The following LAMA1 variants were observed in gnomAD, a reference collection of about 807,000 sequenced individuals.
The protein encoded by LAMA1 is laminin subunit alpha 1, also known as laminin subunit alpha-1.
A neutral mutation model predicts 348.7 loss-of-function variants in LAMA1; 219 were observed. The observed-to-expected ratio is 0.63, with a 90% CI of 0.56 to 0.70. The LOEUF is 0.70. LAMA1 is among the 30% of genes least tolerant of loss of function. LAMA1 has a pLI of 0.00. For synonymous variants in LAMA1, 1,487 were observed against 1,491.0 expected (o/e 1.00, Z 0.06); for missense variants, 3,744 against 3,888.0 (o/e 0.96, Z 0.99).
At chr18:7,047,898 A>G (rs184191672) in intron 5 of LAMA1, among the ~76,000 whole-genome samples, 2 of 152,326 alleles carry the variant, frequency 1.3e-5, no homozygotes, top group Admixed American at 1.3e-4. Flanking sequence ...AAAATGAATT[A>G]TAGATGTAAA....
chr18:6,965,994 C>T, intron 49 of LAMA1, 153 bp downstream of exon 49: 1 of 769,922 alleles, frequency 1.3e-6, no homozygotes, highest in Non-Finnish European at 2.1e-6. Flanking sequence ...TTGTTTAGCA[C>T]ACACATATAT....
intron 48 of LAMA1, among the ~76,000 whole-genome samples, chr18:6,967,604 TTC>T (rs1346955721): frequency 1.3e-5 from 2 of 152,184 alleles, no homozygotes; most frequent in Non-Finnish European, 2.9e-5. Flanking sequence ...AACAGATGTT[TTC>T]TCTCATTATT....
rs568172198 is a variant in LAMA1 at position 6,947,050 on chromosome 18, C to T, written c.8844+113G>A. On this transcript the variant is annotated intron_variant, in intron 61 of 62. Transcript: ENST00000389658. ...ATCTGTTTTTAAAATAGTAATGGGA[C>T]CATTGTTTGACTCCATGAAAATAGA... The T allele has an allele frequency of 4.9e-5, 66 of 1,359,356 alleles. No individual in the cohort carries two copies. The East Asian group carries it at 1.5e-3, about 31-fold the overall frequency. The allele number at this position is 1,359,356 out of a possible 1,614,324, so 84.2% of individuals were successfully genotyped here.
intron 47 of LAMA1, among the ~76,000 whole-genome samples, chr18:6,972,707 G>A (rs1217775942): frequency 6.6e-6 from 1 of 151,798 alleles, no homozygotes; most frequent in Non-Finnish European, 1.5e-5. Flanking sequence ...TTATTTTTTT[G>A]AGATGGAGTT....
chr18:7,094,120 G>A (rs367656084), intron 1 of LAMA1, among the ~76,000 whole-genome samples: 4 of 152,012 alleles, frequency 2.6e-5, no homozygotes, highest in Admixed American at 6.6e-5. Context: ...CTGGGTATCC[G>A]GTTCCAGTGC....
intron 1 of LAMA1, among the ~76,000 whole-genome samples, chr18:7,090,153 A>T (rs992223569): frequency 2.0e-5 from 3 of 152,314 alleles, no homozygotes; most frequent in South Asian, 2.1e-4. Context: ...TGCTTAAAGA[A>T]ATTCTGTTTC....
At chr18:7,023,438 C>T in intron 18 of LAMA1, 63 bp from the exon 19 acceptor site, 10 of 1,303,170 alleles carry the variant, frequency 7.7e-6, no homozygotes, top group East Asian at 2.3e-5. Flanking sequence ...ACCGCACTAT[C>T]CAGGGACTCC....
chr18:6,956,572 C>A (rs760832098), intron 56 of LAMA1, 64 bp downstream of exon 56: 1 of 1,611,010 alleles, frequency 6.2e-7, no homozygotes, highest in East Asian at 2.2e-5. Flanking sequence ...CATTTTAACT[C>A]CCTCTGTCCT....
In LAMA1 at chr18:6,999,947, G is replaced by C. The variant is rs2057800182; in HGVS notation, c.4433C>G (p.Ala1478Gly). 4 of 1,614,018 alleles carry C rather than the reference G, an allele frequency of 2.5e-6. No individual in the cohort carries two copies. Among genetic ancestry groups the C allele is most frequent in the Non-Finnish European group, 1.7e-6 (2 of 1,179,992 alleles). The part of the protein sequence containing the change: ...LEGDHDFRCD[A>G]CLLGYEGKHC... ...TTTTCCTTCATAGCCCAGGAGACAGGCGTCACAACGGAAATCGTGGTCCCC... is the reference window on the plus strand; with the variant it reads ...TTTTCCTTCATAGCCCAGGAGACAGCCGTCACAACGGAAATCGTGGTCCCC... The change falls in exon 31 of 63, where the codon GCC (alanine) becomes GGC (glycine). Residue 1478 changes from alanine (A) to glycine (G), a missense_variant. Ala to Gly is a moderately conservative substitution (Grantham distance 60). Coordinates refer to ENST00000389658, the MANE Select transcript of LAMA1 (RefSeq NM_005559.4).
chr18:6,956,644 C>G lies in LAMA1; in HGVS notation c.8086G>C (p.Ala2696Pro). Reference sequence around the variant, plus strand: ...AAGGAAGCCGCTCCTACTGGAAAAGCCCGGGGCTCTGGCAAGAGCTTGCTG... The same window carrying G: ...AAGGAAGCCGCTCCTACTGGAAAAGGCCGGGGCTCTGGCAAGAGCTTGCTG... ...EDSKLLPEPR[A>P]FPEQCVVDAA... Residue 2696 changes from alanine (A) to proline (P), a missense_variant, in exon 56 of 63, where the codon GCT becomes CCT. Physicochemically the swap from Ala to Pro is conservative, Grantham distance 27. This residue lies in a region of LAMA1 where 1,983 missense variants were observed against 1,934.3 expected (regional missense o/e 1.03). Coordinates refer to ENST00000389658, the MANE Select transcript of LAMA1 (RefSeq NM_005559.4). 1 of 1,614,116 alleles carries G rather than the reference C, an allele frequency of 6.2e-7. No individual in the cohort carries two copies. Among genetic ancestry groups the G allele is most frequent in the Non-Finnish European group, 8.5e-7 (1 of 1,180,034 alleles).
intron 41 of LAMA1, among the ~76,000 whole-genome samples, chr18:6,982,184 C>T (rs543775827): frequency 1.4e-4 from 21 of 152,206 alleles, no homozygotes; most frequent in African/African-American, 4.8e-4. Flanking sequence ...GATAACCCAA[C>T]AGACACTAGG....
chr18:6,992,748 A>G, intron 35 of LAMA1, 28 bp from the exon 36 acceptor site: 1 of 1,595,944 alleles, frequency 6.3e-7, no homozygotes, highest in Non-Finnish European at 8.6e-7. Flanking sequence ...CAATTATTTA[A>G]TAAGCCTCTC....
chr18:6,985,385 G>C lies in LAMA1; in HGVS notation c.5512C>G (p.Gln1838Glu). ...QDALEHLEDH[Q>E]DKLLLWSAKI... Reference sequence around the variant, plus strand: ...GCAGACCATAAAAGTAGCTTATCCTGGTGATCCTCTAAGTGCTACATGGAG... The same window carrying C: ...GCAGACCATAAAAGTAGCTTATCCTCGTGATCCTCTAAGTGCTACATGGAG... The change falls in exon 39 of 63, where the codon CAG (glutamine) becomes GAG (glutamate). Residue 1838 changes from glutamine to glutamate, a missense_variant. Coordinates refer to ENST00000389658, the MANE Select transcript of LAMA1 (RefSeq NM_005559.4). 6.2e-7 allele frequency: 1 copy of C among 1,614,126 alleles called. No individual in the cohort carries two copies. Among genetic ancestry groups the C allele is most frequent in the Non-Finnish European group, 8.5e-7 (1 of 1,180,018 alleles).
In LAMA1 at chr18:7,034,637, A is replaced by G. The variant is rs751115648; in HGVS notation, c.1893T>C (p.Tyr631=). ...GTCTAACCACGTTTAGGTACTCTTCATAAGGCTGCAATGACAGACCCTCAG... is the reference window on the plus strand; with the variant it reads ...GTCTAACCACGTTTAGGTACTCTTCGTAAGGCTGCAATGACAGACCCTCAG... The part of the protein sequence containing the change: ...TQAEGLSLQP[Y]EEYLNVVRLV... Residue 631 remains tyrosine, a synonymous_variant, in exon 14 of 63, where the codon TAT becomes TAC. Transcript: ENST00000389658. 3.1e-6 allele frequency: 5 copies of G among 1,614,226 alleles called. No individual in the cohort carries two copies. Among genetic ancestry groups the G allele is most frequent in the Non-Finnish European group, 2.5e-6 (3 of 1,180,038 alleles).
intron 42 of LAMA1, among the ~76,000 whole-genome samples, chr18:6,979,815 T>C (rs368839372): frequency 1.3e-3 from 202 of 151,962 alleles, no homozygotes; most frequent in South Asian, 3.5e-3. Flanking sequence ...AGGAGAATGG[T>C]GTGAACCCGG....
intron 3 of LAMA1, among the ~76,000 whole-genome samples, chr18:7,067,348 T>C (rs1021390603): frequency 6.6e-6 from 1 of 151,546 alleles, no homozygotes; most frequent in African/African-American, 2.4e-5. Context: ...AAGCCACTCA[T>C]ACAAGCAATG....
chr18:7,004,829 C>T (rs1323943652), intron 29 of LAMA1, among the ~76,000 whole-genome samples: 1 of 152,120 alleles, frequency 6.6e-6, no homozygotes, highest in Non-Finnish European at 1.5e-5. Context: ...ATTTGAAAAA[C>T]TGAGGATGGA....
intron 19 of LAMA1, 35 bp from the exon 20 acceptor site, chr18:7,017,419 ACTTCT>A: frequency 7.0e-7 from 1 of 1,435,276 alleles, no homozygotes; most frequent in Non-Finnish European, 9.8e-7. Flanking sequence ...ATTAACCCTC[ACTTCT>A]GAGGATGGTT....
At chr18:6,978,825 G>A (rs2057695415) in intron 42 of LAMA1, among the ~76,000 whole-genome samples, 1 of 152,132 alleles carries the variant, frequency 6.6e-6, no homozygotes, top group Non-Finnish European at 1.5e-5. Context: ...GGATAATAAG[G>A]ATTTGGATCC....
Sources: gnomAD v4.1 joint callset for allele counts (sites outside exome capture counted in the v4.1 genomes callset) on GRCh38, gnomAD v4.1.1 for gene constraint, gnomAD v4.1.1 regional missense constraint, MANE v1.5 for transcripts, NCBI Gene and HGNC (gene_info 2026-07-23, HGNC 2026-07-21) for gene names.